KCNMA1: variants seen among roughly 807,000 people sequenced by gnomAD.
KCNMA1 encodes Calcium-activated potassium channel subunit alpha-1.
KCNMA1 carries 29 observed loss-of-function variants against 140.0 expected under a neutral mutation model. The ratio of observed to expected loss-of-function variants is 0.21; its 90% confidence interval spans 0.15 to 0.28. KCNMA1 has a LOEUF of 0.28. Ranked by LOEUF, KCNMA1 falls within the 10% of genes least tolerant of loss-of-function variation. KCNMA1 has a pLI of 1.00. For synonymous variants in KCNMA1, 612 were observed against 611.9 expected, an observed-to-expected ratio of 1.00 and a Z score of 0.00; for missense variants, 880 against 1,602.2, an observed-to-expected ratio of 0.55 and a Z score of 7.70.
chr10:77,573,567 G>A (rs2072584920), intron 1 of KCNMA1, among the ~76,000 whole-genome samples: 1 of 151,394 alleles, frequency 6.6e-6, no homozygotes, highest in Admixed American at 6.6e-5. Context: ...TGGTTGACCA[G>A]GAAATCTATG....
intron 14 of KCNMA1, among the ~76,000 whole-genome samples, chr10:77,056,819 G>A (rs906174654): frequency 2.0e-5 from 3 of 152,144 alleles, no homozygotes; most frequent in Non-Finnish European, 4.4e-5. Flanking sequence ...AAAGATGATG[G>A]AGGGAAGAGT....
intron 2 of KCNMA1, among the ~76,000 whole-genome samples, chr10:77,312,176 G>A (rs1049728126): frequency 1.4e-4 from 21 of 152,248 alleles, no homozygotes; most frequent in African/African-American, 5.1e-4. Context: ...AGCTTCCCAG[G>A]AAAAGGGGAA....
At chr10:77,566,380 A>T (rs1268649442) in intron 1 of KCNMA1, among the ~76,000 whole-genome samples, 1 of 152,190 alleles carries the variant, frequency 6.6e-6, no homozygotes, top group Non-Finnish European at 1.5e-5. Context: ...ATGCTGTGGA[A>T]AGCATCTGAA....
chr10:77,326,237 C>T (rs1399086629), intron 2 of KCNMA1, among the ~76,000 whole-genome samples: 1 of 152,148 alleles, frequency 6.6e-6, no homozygotes, highest in Non-Finnish European at 1.5e-5. Context: ...TTTCTCTGTC[C>T]TAATCACTCT....
At chr10:77,275,138 C>T (rs1354030223) in intron 2 of KCNMA1, among the ~76,000 whole-genome samples, 1 of 152,142 alleles carries the variant, frequency 6.6e-6, no homozygotes, top group Non-Finnish European at 1.5e-5. Context: ...GAAGGCAGAT[C>T]CTTCTTATTT....
chr10:77,606,175 G>A (rs1235516378), intron 1 of KCNMA1, among the ~76,000 whole-genome samples: 1 of 152,154 alleles, frequency 6.6e-6, no homozygotes, highest in Non-Finnish European at 1.5e-5. Flanking sequence ...TAATACTGCT[G>A]AAATACCAGG....
chr10:76,947,134 CAACCATCCTGGCCAACATGGTGA>C (rs1269645893), intron 22 of KCNMA1, among the ~76,000 whole-genome samples: 3 of 151,654 alleles, frequency 2.0e-5, no homozygotes, highest in African/African-American at 7.3e-5. Flanking sequence ...CAGGAGTTTG[CAACCATCCTGGCCAACATGGTGA>C]AACCCTGTCT....
At chr10:77,205,577 CA>C (rs2043817611) in intron 3 of KCNMA1, among the ~76,000 whole-genome samples, 2 of 152,012 alleles carry the variant, frequency 1.3e-5, no homozygotes, top group Non-Finnish European at 2.9e-5. Flanking sequence ...TTTAAACCTT[CA>C]AAAAATATAG....
intron 2 of KCNMA1, among the ~76,000 whole-genome samples, chr10:77,271,394 A>G (rs1349463337): frequency 6.6e-6 from 1 of 152,160 alleles, no homozygotes; most frequent in Non-Finnish European, 1.5e-5. Context: ...AAGTGTCCTG[A>G]GTGACATGGG....
At chr10:76,981,782 T>C (rs1184129199) in intron 19 of KCNMA1, among the ~76,000 whole-genome samples, 2 of 152,234 alleles carry the variant, frequency 1.3e-5, no homozygotes, top group African/African-American at 2.4e-5. Flanking sequence ...CCTTGCATTA[T>C]TATAATTTGT....
intron 2 of KCNMA1, among the ~76,000 whole-genome samples, chr10:77,294,064 A>G (rs2074213663): frequency 6.6e-6 from 1 of 152,244 alleles, no homozygotes. Flanking sequence ...GCGGTACTCA[A>G]ATCAAAGTCT....
In KCNMA1 at chr10:77,374,082, C is replaced by T. The variant is rs530297312; in HGVS notation, c.540+29780G>A. ...ATCTTAAGTTTCCTTGATCTGAAGC[C>T]CTGTCCACAATCACCCAGACTCTGA... On this transcript the variant is annotated intron_variant, in intron 2 of 27. Transcript: ENST00000286628. Among the ~76,000 whole-genome samples, 21 of 152,206 alleles carry T rather than the reference C, an allele frequency of 1.4e-4. No individual in the cohort carries two copies. In the South Asian group the frequency reaches 4.4e-3, roughly 32 times the overall value.
At chr10:77,004,389 T>C (rs1168266629) in intron 18 of KCNMA1, among the ~76,000 whole-genome samples, 2 of 152,196 alleles carry the variant, frequency 1.3e-5, no homozygotes, top group Non-Finnish European at 2.9e-5. Context: ...AAGGTGGCTC[T>C]TTTTCGCTAC....
chr10:77,030,105 A>G (rs2093816016), intron 15 of KCNMA1, among the ~76,000 whole-genome samples: 1 of 152,256 alleles, frequency 6.6e-6, no homozygotes, highest in Non-Finnish European at 1.5e-5. Context: ...TGTGGTCCAC[A>G]GCACTGCCTT....
intron 2 of KCNMA1, among the ~76,000 whole-genome samples, chr10:77,256,616 C>G (rs2060817403): frequency 1.3e-5 from 2 of 152,128 alleles, no homozygotes; most frequent in Non-Finnish European, 2.9e-5. Flanking sequence ...AGAAAAAGTA[C>G]AGAGAGGAGG....
chr10:76,989,688 C>A (rs914049756), intron 19 of KCNMA1, among the ~76,000 whole-genome samples: 12 of 152,068 alleles, frequency 7.9e-5, no homozygotes, highest in African/African-American at 2.7e-4. Flanking sequence ...CAAATTGACT[C>A]CATTTAACTT....
chr10:77,046,357 T>C (rs185508030), intron 14 of KCNMA1, among the ~76,000 whole-genome samples: 64 of 152,260 alleles, frequency 4.2e-4, no homozygotes, highest in African/African-American at 1.5e-3. Context: ...TTAGATGCCA[T>C]TAAAACGTAT....
At chr10:77,146,231 C>T (rs2098286585) in intron 5 of KCNMA1, among the ~76,000 whole-genome samples, 1 of 152,138 alleles carries the variant, frequency 6.6e-6, no homozygotes, top group Non-Finnish European at 1.5e-5. Flanking sequence ...GCCTTCTTCT[C>T]TTCCTTGTTT....
intron 6 of KCNMA1, 59 bp downstream of exon 6, chr10:77,120,914 A>G (rs2097579398): frequency 1.1e-6 from 1 of 913,888 alleles, no homozygotes; most frequent in Non-Finnish European, 1.8e-6. Context: ...AGCACACCTG[A>G]TATTTGCAAC....
Sources: gnomAD v4.1 joint callset for allele counts (sites outside exome capture counted in the v4.1 genomes callset) on GRCh38, gnomAD v4.1.1 for gene constraint, MANE v1.5 for transcripts, NCBI Gene and HGNC (gene_info 2026-07-23, HGNC 2026-07-21) for gene names.